The following MCTP1 variants were observed in gnomAD, a reference collection of about 807,000 sequenced individuals.
MCTP1 encodes multiple C2 and transmembrane domain containing 1.
A neutral mutation model predicts 120.6 loss-of-function variants in MCTP1; 69 were observed. That is an observed-to-expected ratio of 0.57 (90% CI 0.47 to 0.70). The LOEUF is 0.70. MCTP1 is among the 30% of genes least tolerant of loss of function. The pLI is 0.00. For synonymous variants in MCTP1, 529 were observed against 493.1 expected (o/e 1.07, Z -0.96); for missense variants, 1,203 against 1,248.8 (o/e 0.96, Z 0.55).
chr5:94,819,906 C>T (rs907450559), intron 17 of MCTP1, among the ~76,000 whole-genome samples: 1 of 152,212 alleles, frequency 6.6e-6, no homozygotes, highest in Non-Finnish European at 1.5e-5. Flanking sequence ...ACGAAGTCCT[C>T]TGGGCATCCA....
intron 1 of MCTP1, among the ~76,000 whole-genome samples, chr5:95,112,332 A>G (rs1303670021): frequency 6.6e-6 from 1 of 152,242 alleles, no homozygotes; most frequent in Non-Finnish European, 1.5e-5. Context: ...TAATCACTTT[A>G]TTAAATACTG....
chr5:94,870,136 T>A (rs931366597), intron 16 of MCTP1, among the ~76,000 whole-genome samples: 2 of 152,146 alleles, frequency 1.3e-5, no homozygotes, highest in African/African-American at 4.8e-5. Flanking sequence ...TGCTAATGCA[T>A]GAATACATAT....
chr5:95,085,368 G>A (rs560970841), intron 1 of MCTP1, among the ~76,000 whole-genome samples: 153 of 150,196 alleles, frequency 1.0e-3, no homozygotes, highest in African/African-American at 3.7e-3. Flanking sequence ...CATGCTTTAA[G>A]CTTTATACAA....
chr5:95,150,172 G>A (rs1184966206), intron 1 of MCTP1, among the ~76,000 whole-genome samples: 4 of 152,104 alleles, frequency 2.6e-5, no homozygotes, highest in African/African-American at 7.2e-5. Context: ...TTTCTAAAGT[G>A]CAGCATCTCT....
rs558093857 is a variant in MCTP1 at position 94,705,178 on chromosome 5, A to T, written c.*2318T>A. ...ACAGATCTCAAAATGAAGGCAAGTC[A>T]GGCAGCTCTCAAGACAGAATTGCAG... is the stretch of plus-strand genomic sequence containing the variant. On this transcript the variant is annotated 3_prime_UTR_variant, in exon 23 of 23. Coordinates refer to ENST00000515393, the MANE Select transcript of MCTP1 (RefSeq NM_024717.7). The T allele has an allele frequency of 6.6e-6, 1 of 151,626 alleles. No individual in the cohort carries two copies. Among genetic ancestry groups the T allele is most frequent in the African/African-American group, 2.4e-5 (1 of 41,502 alleles). 9.4% of individuals were successfully genotyped at this position (151,626 alleles called of 1,614,324 possible). A position where few individuals can be genotyped will look rare whatever the true frequency, so the allele number is the denominator to read the frequency against.
At chr5:95,102,330 G>A (rs766487538) in intron 1 of MCTP1, among the ~76,000 whole-genome samples, 21 of 152,174 alleles carry the variant, frequency 1.4e-4, no homozygotes, top group Non-Finnish European at 7.3e-5. Context: ...AGCTCACTGC[G>A]GCTGCATGAG....
chr5:95,031,450 T>G (rs1468534224), intron 1 of MCTP1, among the ~76,000 whole-genome samples: 1 of 152,162 alleles, frequency 6.6e-6, no homozygotes, highest in African/African-American at 2.4e-5. Flanking sequence ...AGCAGAAACC[T>G]TACAAGCCAG....
intron 3 of MCTP1, among the ~76,000 whole-genome samples, chr5:94,952,899 C>T (rs1283611802): frequency 4.6e-5 from 7 of 152,172 alleles, no homozygotes; most frequent in Non-Finnish European, 8.8e-5. Flanking sequence ...TGTGTAAGTT[C>T]TCCTTTCTGT....
intron 1 of MCTP1, among the ~76,000 whole-genome samples, chr5:95,174,204 A>T (rs1747698770): frequency 6.6e-6 from 1 of 152,190 alleles, no homozygotes; most frequent in Admixed American, 6.5e-5. Context: ...AGGGATAATG[A>T]TGGGATCAAA....
At chr5:94,808,654 GA>G (rs895240615) in intron 17 of MCTP1, among the ~76,000 whole-genome samples, 1 of 151,654 alleles carries the variant, frequency 6.6e-6, no homozygotes, top group African/African-American at 2.4e-5. Flanking sequence ...ATGTGTAGAG[GA>G]AAAAAAATCA....
chr5:95,248,177 A>G (rs561151510), intron 1 of MCTP1, among the ~76,000 whole-genome samples: 1 of 152,320 alleles, frequency 6.6e-6, no homozygotes, highest in Non-Finnish European at 1.5e-5. Context: ...GGCCAGGGCA[A>G]TCAGGCAAGA....
chr5:95,050,833 G>A (rs1745714490), intron 1 of MCTP1, among the ~76,000 whole-genome samples: 1 of 152,100 alleles, frequency 6.6e-6, no homozygotes, highest in Admixed American at 6.5e-5. Flanking sequence ...TAGTTAAGAT[G>A]AGGTCATCCT....
intron 17 of MCTP1, among the ~76,000 whole-genome samples, chr5:94,854,069 G>C (rs1794276893): frequency 6.6e-6 from 1 of 151,626 alleles, no homozygotes. Context: ...AGATGGGATG[G>C]GTTTAAGGAT....
intron 17 of MCTP1, among the ~76,000 whole-genome samples, chr5:94,812,418 C>A (rs1783613405): frequency 3.1e-5 from 4 of 130,606 alleles, no homozygotes; most frequent in Admixed American, 8.0e-5. Flanking sequence ...AAACATGAAC[C>A]AAAAGGTGGT....
chr5:94,881,191 C>T (rs1719720883), intron 12 of MCTP1, among the ~76,000 whole-genome samples: 1 of 152,062 alleles, frequency 6.6e-6, no homozygotes, highest in Non-Finnish European at 1.5e-5. Flanking sequence ...TTTACTGCTG[C>T]AGACTGCAAG....
chr5:94,899,000 T>G (rs1265109364), intron 10 of MCTP1, among the ~76,000 whole-genome samples: 1 of 152,208 alleles, frequency 6.6e-6, no homozygotes, highest in Non-Finnish European at 1.5e-5. Context: ...AGAACAAAAT[T>G]ATCTTATAGG....
At chr5:94,769,222 T>C (rs1055824159) in intron 19 of MCTP1, among the ~76,000 whole-genome samples, 3 of 152,096 alleles carry the variant, frequency 2.0e-5, no homozygotes, top group African/African-American at 7.2e-5. Context: ...TAATAGTTAC[T>C]AGAGGCTGGG....
At chr5:94,929,044 A>G (rs570095770) in intron 6 of MCTP1, among the ~76,000 whole-genome samples, 4 of 152,356 alleles carry the variant, frequency 2.6e-5, no homozygotes, top group African/African-American at 9.6e-5. Flanking sequence ...TAGAAAGTCA[A>G]GATGATGAAA....
chr5:94,893,213 T>C (rs1803090514), intron 11 of MCTP1, among the ~76,000 whole-genome samples: 1 of 152,192 alleles, frequency 6.6e-6, no homozygotes, highest in Non-Finnish European at 1.5e-5. Context: ...AAAAAATTAA[T>C]AATAGGTGGA....
Sources: gnomAD v4.1 joint callset for allele counts (sites outside exome capture counted in the v4.1 genomes callset) on GRCh38, gnomAD v4.1.1 for gene constraint, MANE v1.5 for transcripts, NCBI Gene and HGNC (gene_info 2026-07-23, HGNC 2026-07-21) for gene names.